FANCD2: variants seen among roughly 807,000 people sequenced by gnomAD.
The protein encoded by FANCD2 is Fanconi anemia group D2 protein.
Under a neutral mutation model 192.3 loss-of-function variants are expected in FANCD2, and 131 were observed. The observed-to-expected ratio is 0.68, with a 90% CI of 0.59 to 0.79. The LOEUF (loss-of-function observed/expected upper bound fraction) is 0.79. FANCD2 is among the 30% of genes least tolerant of loss of function. FANCD2 has a pLI of 0.00. For missense variants in FANCD2, 1,508 were observed against 1,701.6 expected (o/e 0.89, Z 2.00); for synonymous variants, 524 against 612.5 (o/e 0.86, Z 2.13).
Position 10,064,792 on chromosome 3 carries a change from T to C in FANCD2, c.2085T>C (p.Ile695=), listed in dbSNP as rs760296624. ...AAGAATACGACACTCAGGATGGGAT[T>C]GCCATAAACCTCCTGCCGCTGCTGT... ...GLEEYDTQDG[I]AINLLPLLFS... is the part of the protein sequence containing the mutation. Residue 695 remains isoleucine, a synonymous_variant, in exon 23 of 44, where the codon ATT becomes ATC. Transcript: ENST00000675286. 5.6e-6 allele frequency: 9 copies of C among 1,613,914 alleles called. No homozygotes were observed. The highest frequency in any genetic ancestry group is 2.7e-5 in the African/African-American group (2 of 74,902).
chr3:10,069,939 G>T (rs1473109946), intron 26 of FANCD2, among the ~76,000 whole-genome samples: 1 of 149,158 alleles, frequency 6.7e-6, no homozygotes, highest in Non-Finnish European at 1.5e-5. Context: ...TGGGATGTGA[G>T]GAGCCTCTCT....
At position 10,046,563 on chromosome 3, in the gene FANCD2, A is replaced by C. The variant is rs758739942; in HGVS notation, c.1135-17A>C. On this transcript the variant is annotated splice_polypyrimidine_tract_variant and intron_variant, in intron 14 of 43. Transcript: ENST00000675286. ...TTGTTAACTGTTTTTCTGTTGTTGC[A>C]TATTTATTGACAATAGGTGTTTGAC... 1 of 1,614,160 alleles carries C rather than the reference A, an allele frequency of 6.2e-7. No homozygotes were observed. Among genetic ancestry groups the C allele is most frequent in the Non-Finnish European group, 8.5e-7 (1 of 1,179,988 alleles).
intron 17 of FANCD2, among the ~76,000 whole-genome samples, chr3:10,051,884 A>T (rs2125011227): frequency 6.6e-6 from 1 of 152,062 alleles, no homozygotes; most frequent in African/African-American, 2.4e-5. Flanking sequence ...TTTCCTTGTG[A>T]CTCCTTCCAG....
chr3:10,081,769 G>A (rs145067818), intron 32 of FANCD2, among the ~76,000 whole-genome samples: 3 of 152,144 alleles, frequency 2.0e-5, no homozygotes, highest in African/African-American at 7.2e-5. Flanking sequence ...AGATTGTTTG[G>A]TGATGAGCTG....
rs1481456752 is a variant in FANCD2, at chr3:10,074,669, C to A, written c.2855C>A (p.Thr952Asn). 6.2e-7 allele frequency: 1 copy of A among 1,613,606 alleles called. No homozygotes were observed. Among genetic ancestry groups the A allele is most frequent in the Middle Eastern group, 1.7e-4 (1 of 6,058 alleles). Residue 952 changes from threonine to asparagine, a missense_variant, in exon 29 of 44, where the codon ACT (threonine) becomes AAT (asparagine). Thr to Asn is a moderately conservative substitution (Grantham distance 65). Transcript: ENST00000675286. ...TKFILDTEMH[T>N]EATEVVQLGP... is the part of the protein sequence containing the mutation. Reference sequence around the variant, plus strand: ...TTCATCTTAGATACTGAAATGCACACTGAAGTAAGTGACAGGCTAGGATCT... The same window carrying A: ...TTCATCTTAGATACTGAAATGCACAATGAAGTAAGTGACAGGCTAGGATCT...
intron 15 of FANCD2, among the ~76,000 whole-genome samples, chr3:10,047,564 T>G (rs935277117): frequency 1.4e-4 from 21 of 152,284 alleles, no homozygotes; most frequent in Non-Finnish European, 2.8e-4. Flanking sequence ...CTTCAAATTA[T>G]AACCAAGGTG....
chr3:10,042,442 A>G (rs147420355), intron 10 of FANCD2, 117 bp from the exon 11 acceptor site: 3 of 884,092 alleles, frequency 3.4e-6, no homozygotes, highest in Admixed American at 1.9e-5. Context: ...TCCCTAAATT[A>G]TAAGTGGGAA....
chr3:10,073,132 G>T (rs1470578682), intron 27 of FANCD2, 121 bp from the exon 28 acceptor site: 3 of 891,542 alleles, frequency 3.4e-6, no homozygotes, highest in Non-Finnish European at 5.5e-6. Flanking sequence ...GTAATTTAGG[G>T]TTATAAAATT....
chr3:10,078,542 G>A (rs576351350), intron 30 of FANCD2, among the ~76,000 whole-genome samples: 1 of 151,978 alleles, frequency 6.6e-6, no homozygotes, highest in Admixed American at 6.5e-5. Flanking sequence ...TTTTTGTAGA[G>A]ACGGGGTTTC....
chr3:10,045,194 G>C (rs2086970355), intron 14 of FANCD2, among the ~76,000 whole-genome samples: 1 of 126,110 alleles, frequency 7.9e-6, no homozygotes, highest in Non-Finnish European at 1.7e-5. Flanking sequence ...TTTGAGACGG[G>C]TTCTCACTCT....
At chr3:10,080,325 C>T (rs931627692) in intron 30 of FANCD2, among the ~76,000 whole-genome samples, 6 of 152,178 alleles carry the variant, frequency 3.9e-5, no homozygotes, top group African/African-American at 9.7e-5. Context: ...CCTCCACCTC[C>T]GGGATTCAAG....
At chr3:10,089,558 C>T (rs1466555348) in intron 36 of FANCD2, among the ~76,000 whole-genome samples, 1 of 152,126 alleles carries the variant, frequency 6.6e-6, no homozygotes, top group South Asian at 2.1e-4. Context: ...CAACCTCCAC[C>T]TCCTGGGTTC....
chr3:10,055,831 A>G (rs1351795199), intron 18 of FANCD2, among the ~76,000 whole-genome samples: 2 of 151,714 alleles, frequency 1.3e-5, no homozygotes, highest in Non-Finnish European at 2.9e-5. Flanking sequence ...ATAATAATAA[A>G]TAAATAAATA....
chr3:10,069,462 TCTCCCC>T (rs1274449690), intron 26 of FANCD2, among the ~76,000 whole-genome samples: 1,480 of 121,610 alleles, frequency 0.012, 40 homozygotes, highest in Admixed American at 0.029. Flanking sequence ...TTAAGATGCC[TCTCCCC>T]CTCCCCCTCC....
intron 18 of FANCD2, chr3:10,058,264 C>A: frequency 5.3e-6 from 1 of 189,108 alleles, no homozygotes; most frequent in South Asian, 1.0e-4. Context: ...CAAAAATCTT[C>A]TTACCTTTCT....
chr3:10,075,937 T>C (rs1394418112), intron 29 of FANCD2, among the ~76,000 whole-genome samples: 1 of 151,932 alleles, frequency 6.6e-6, no homozygotes, highest in Admixed American at 6.6e-5. Context: ...TCACCGTTGT[T>C]AGCCAGGATG....
At chr3:10,064,243 C>G (rs2087650293) in intron 21 of FANCD2, 113 bp from the exon 22 acceptor site, 1 of 875,470 alleles carries the variant, frequency 1.1e-6, no homozygotes. Flanking sequence ...TTTATTATTA[C>G]TTTCTTTTTA....
At chr3:10,054,467 ATATATATTTTTTTTTTTTT>A (rs2087340014) in intron 18 of FANCD2, among the ~76,000 whole-genome samples, 1 of 25,030 alleles carries the variant, frequency 4.0e-5, no homozygotes, top group Non-Finnish European at 6.9e-5. Context: ...ATATATATAT[ATATATATTTTTTTTTTTTT>A]TTTTTTTTTT....
intron 30 of FANCD2, 118 bp from the exon 31 acceptor site, chr3:10,080,982 C>T (rs759061683): frequency 5.5e-6 from 6 of 1,082,320 alleles, no homozygotes; most frequent in Non-Finnish European, 8.5e-6. Context: ...GTTAACAACT[C>T]ATTTCTCCCA....
Sources: allele counts gnomAD v4.1 joint callset (sites outside exome capture counted in the v4.1 genomes callset), GRCh38; gene constraint gnomAD v4.1.1; transcripts MANE v1.5; gene names NCBI Gene and HGNC (gene_info 2026-07-23, HGNC 2026-07-21).